EXPH5: variants seen among roughly 807,000 people sequenced by gnomAD.
The protein encoded by EXPH5 is exophilin 5, also known as exophilin-5.
A neutral mutation model predicts 41.1 loss-of-function variants in EXPH5; 42 were observed. That is an observed-to-expected ratio of 1.02 (90% confidence interval 0.80 to 1.32). EXPH5 has a LOEUF of 1.32. EXPH5 is among the 40% of genes most tolerant of loss of function. EXPH5 has a pLI of 0.00. For synonymous variants in EXPH5, 798 were observed against 833.5 expected, an observed-to-expected ratio of 0.96 and a Z score of 0.73; for missense variants, 2,298 against 2,314.5, an observed-to-expected ratio of 0.99 and a Z score of 0.15.
At chr11:108,572,183 C>G (rs911409731) in intron 1 of EXPH5, among the ~76,000 whole-genome samples, 1 of 152,204 alleles carries the variant, frequency 6.6e-6, no homozygotes, top group African/African-American at 2.4e-5. Context: ...TGTGTTTATG[C>G]ATAACCTACA....
chr11:108,553,842 A>G (rs866915993), intron 1 of EXPH5, among the ~76,000 whole-genome samples: 2 of 152,358 alleles, frequency 1.3e-5, no homozygotes, highest in Middle Eastern at 3.4e-3. Context: ...ATGTGTGTAA[A>G]AAGTAATTTT....
At chr11:108,572,333 TTACTC>T (rs1250872940) in intron 1 of EXPH5, among the ~76,000 whole-genome samples, 1 of 152,182 alleles carries the variant, frequency 6.6e-6, no homozygotes, top group Admixed American at 6.5e-5. Flanking sequence ...CTCCACACGT[TTACTC>T]ACTGTCCCCT....
intron 1 of EXPH5, among the ~76,000 whole-genome samples, chr11:108,553,632 T>G (rs529618502): frequency 6.6e-6 from 1 of 152,348 alleles, no homozygotes; most frequent in Admixed American, 6.5e-5. Context: ...GTCAGCTCCT[T>G]GAGGACAGGT....
At chr11:108,524,607 C>A (rs1275281241) in intron 4 of EXPH5, among the ~76,000 whole-genome samples, 3 of 152,192 alleles carry the variant, frequency 2.0e-5, no homozygotes, top group Non-Finnish European at 4.4e-5. Flanking sequence ...TCTGACCTGA[C>A]TAGACAAACA....
intron 4 of EXPH5, among the ~76,000 whole-genome samples, chr11:108,523,421 T>C (rs1199661761): frequency 6.6e-6 from 1 of 152,192 alleles, no homozygotes; most frequent in East Asian, 1.9e-4. Flanking sequence ...CCATTATTTT[T>C]TTTTACCGTT....
intron 1 of EXPH5, among the ~76,000 whole-genome samples, chr11:108,544,820 T>C (rs1026446010): frequency 6.6e-6 from 1 of 152,180 alleles, no homozygotes; most frequent in African/African-American, 2.4e-5. Flanking sequence ...ATGATCCCCC[T>C]TTTGGGCACA....
chr11:108,520,926 A>C (rs1393768326), intron 4 of EXPH5, among the ~76,000 whole-genome samples: 2 of 152,152 alleles, frequency 1.3e-5, no homozygotes, highest in Non-Finnish European at 2.9e-5. Context: ...AAATCTAATC[A>C]CTGCCCTACT....
At chr11:108,558,259 T>C (rs1035079572) in intron 1 of EXPH5, among the ~76,000 whole-genome samples, 4 of 152,134 alleles carry the variant, frequency 2.6e-5, no homozygotes, top group African/African-American at 9.7e-5. Flanking sequence ...TTTTAAACTT[T>C]ATTTTATTTT....
chr11:108,562,453 A>T (rs1004049703), intron 1 of EXPH5, among the ~76,000 whole-genome samples: 1 of 151,780 alleles, frequency 6.6e-6, no homozygotes, highest in African/African-American at 2.4e-5. Context: ...AAAAAAGAAT[A>T]CAAAAATTAG....
At chr11:108,525,883 C>T (rs2093795037) in intron 4 of EXPH5, among the ~76,000 whole-genome samples, 1 of 148,610 alleles carries the variant, frequency 6.7e-6, no homozygotes. Flanking sequence ...TTTTTTCTTT[C>T]TCTCTCTCCT....
chr11:108,515,718 A>G (rs2093720601), intron 5 of EXPH5, among the ~76,000 whole-genome samples: 1 of 152,212 alleles, frequency 6.6e-6, no homozygotes, highest in African/African-American at 2.4e-5. Flanking sequence ...TTGAACCCAG[A>G]CAGTCTGTTT....
At chr11:108,564,992 G>A (rs957931644) in intron 1 of EXPH5, among the ~76,000 whole-genome samples, 3 of 140,616 alleles carry the variant, frequency 2.1e-5, no homozygotes, top group African/African-American at 7.8e-5. Context: ...TGCAACCTCC[G>A]CCTCCCGGGT....
intron 3 of EXPH5, among the ~76,000 whole-genome samples, chr11:108,532,075 C>G (rs2852198): frequency 1.3e-5 from 2 of 151,980 alleles, no homozygotes; most frequent in South Asian, 4.2e-4. Flanking sequence ...TCCATTTGTT[C>G]TCAGGTGAAA....
rs556183261 is a variant in EXPH5, at chr11:108,512,057, A to T, written c.3450T>A (p.Ser1150=). 1.9e-6 allele frequency: 3 copies of T among 1,606,796 alleles called. No individual in the cohort carries two copies. The highest frequency in any genetic ancestry group is 2.5e-6 in the Non-Finnish European group (3 of 1,177,518). The change falls in exon 6 of 6, where the codon TCT becomes TCA. Residue 1150 remains serine, a synonymous_variant. Coordinates refer to ENST00000265843, the MANE Select transcript of EXPH5 (RefSeq NM_015065.3). ...KKPLTSGMDA[S]ELTPRAWERI... is the part of the protein sequence containing the mutation. The stretch of plus-strand genomic sequence containing the variant: ...TCTCCCAAGCCCTTGGTGTTAGCTC[A>T]GAAGCATCCATGCCTGAGGTCAATG...
intron 1 of EXPH5, among the ~76,000 whole-genome samples, chr11:108,580,250 T>C (rs574158877): frequency 1.6e-4 from 25 of 152,016 alleles, no homozygotes; most frequent in Admixed American, 2.0e-4. Flanking sequence ...ATGATCTGAA[T>C]AGACACTTCT....
At chr11:108,569,463 C>T (rs1645940948) in intron 1 of EXPH5, among the ~76,000 whole-genome samples, 1 of 151,358 alleles carries the variant, frequency 6.6e-6, no homozygotes, top group Non-Finnish European at 1.5e-5. Flanking sequence ...CTTCAGCCTC[C>T]CGAGTAGCTG....
intron 1 of EXPH5, among the ~76,000 whole-genome samples, chr11:108,571,787 G>C (rs1006871358): frequency 9.9e-5 from 15 of 152,248 alleles, no homozygotes; most frequent in Non-Finnish European, 1.6e-4. Flanking sequence ...ACAGGCTGGG[G>C]CGGTGGCTCA....
chr11:108,541,584 G>A, intron 2 of EXPH5, 68 bp downstream of exon 2: 1 of 997,582 alleles, frequency 1.0e-6, no homozygotes, highest in Admixed American at 2.5e-5. Context: ...GATCCACTGG[G>A]CCATTATCTA....
chr11:108,591,345 C>A (rs2136129495), intron 1 of EXPH5, among the ~76,000 whole-genome samples: 1 of 152,274 alleles, frequency 6.6e-6, no homozygotes, highest in African/African-American at 2.4e-5. Context: ...ATGCCAATAT[C>A]TGATACTGAA....
Sources: gnomAD v4.1 joint callset for allele counts (sites outside exome capture counted in the v4.1 genomes callset) on GRCh38, gnomAD v4.1.1 for gene constraint, MANE v1.5 for transcripts, NCBI Gene and HGNC (gene_info 2026-07-23, HGNC 2026-07-21) for gene names.